The following TFDP2 variants were observed in gnomAD, a reference collection of about 807,000 sequenced individuals.
The protein encoded by TFDP2 is transcription factor Dp-2 (E2F dimerization partner 2).
In TFDP2, 17 loss-of-function variants were observed where a neutral mutation model predicts 59.3. The ratio of observed to expected loss-of-function variants is 0.29; its 90% CI spans 0.20 to 0.43. TFDP2 has a LOEUF of 0.43. Among genes scored for constraint, TFDP2 ranks in the 20% least tolerant of loss-of-function variants. The pLI, the probability that TFDP2 is intolerant of heterozygous loss-of-function variation, is 1.00. For missense variants in TFDP2, 391 were observed against 528.8 expected (o/e 0.74, Z 2.56); for synonymous variants, 180 against 194.7 (o/e 0.92, Z 0.63).
intron 2 of TFDP2, among the ~76,000 whole-genome samples, chr3:142,100,665 GC>G (rs2061292817): frequency 6.6e-6 from 1 of 152,092 alleles, no homozygotes; most frequent in Admixed American, 6.6e-5. Flanking sequence ...GAGCCACCAT[GC>G]CTGGCCTGCC....
chr3:142,002,321 T>TTTG (rs1943859831), intron 4 of TFDP2, among the ~76,000 whole-genome samples: 1 of 146,694 alleles, frequency 6.8e-6, no homozygotes, highest in Non-Finnish European at 1.5e-5. Flanking sequence ...TTTAGTGTTT[T>TTTG]TTTTTTTTTT....
intron 3 of TFDP2, among the ~76,000 whole-genome samples, chr3:142,088,737 G>C (rs2060895878): frequency 1.3e-5 from 2 of 150,926 alleles, no homozygotes; most frequent in South Asian, 4.2e-4. Flanking sequence ...CAGTCTCCCA[G>C]GGTGCTGGGA....
At chr3:142,140,064 T>A (rs1441287847) in intron 1 of TFDP2, among the ~76,000 whole-genome samples, 2 of 152,196 alleles carry the variant, frequency 1.3e-5, no homozygotes, top group African/African-American at 4.8e-5. Flanking sequence ...TTTGTTCATT[T>A]CTTTTTACTC....
At chr3:142,120,158 C>T (rs1281878917) in intron 1 of TFDP2, among the ~76,000 whole-genome samples, 1 of 151,580 alleles carries the variant, frequency 6.6e-6, no homozygotes, top group African/African-American at 2.4e-5. Flanking sequence ...GTCAGGAGAT[C>T]AAGACCATCC....
chr3:142,093,162 T>C (rs1279805554), intron 2 of TFDP2, 35 bp from the exon 3 acceptor site: 2 of 1,415,306 alleles, frequency 1.4e-6, no homozygotes, highest in African/African-American at 1.4e-5. Flanking sequence ...AAAAATAGAA[T>C]ATTAAGTAGT....
intron 9 of TFDP2, among the ~76,000 whole-genome samples, chr3:141,964,871 C>T (rs1351693135): frequency 6.6e-6 from 1 of 152,158 alleles, no homozygotes; most frequent in Non-Finnish European, 1.5e-5. Context: ...GTAACTGAGG[C>T]TCAGCACTAA....
intron 1 of TFDP2, among the ~76,000 whole-genome samples, chr3:142,113,383 C>T (rs993002250): frequency 2.6e-5 from 4 of 151,800 alleles, no homozygotes; most frequent in African/African-American, 7.3e-5. Flanking sequence ...CTCAGCCTCC[C>T]GAGTAGCTGG....
intron 1 of TFDP2, among the ~76,000 whole-genome samples, chr3:142,139,818 C>T (rs1313450826): frequency 6.6e-6 from 1 of 152,130 alleles, no homozygotes; most frequent in African/African-American, 2.4e-5. Context: ...TTCATTTCAA[C>T]GTTGGTGAAT....
At chr3:142,098,717 G>A (rs1305340782) in intron 2 of TFDP2, among the ~76,000 whole-genome samples, 1 of 152,064 alleles carries the variant, frequency 6.6e-6, no homozygotes, top group Admixed American at 6.5e-5. Flanking sequence ...ACCAGCCTGG[G>A]CAACATAGCC....
intron 3 of TFDP2, among the ~76,000 whole-genome samples, chr3:142,051,400 G>A (rs189491255): frequency 2.0e-5 from 3 of 152,228 alleles, no homozygotes; most frequent in Non-Finnish European, 4.4e-5. Context: ...TTGGCTGGGC[G>A]TGGTGGTGTG....
intron 3 of TFDP2, among the ~76,000 whole-genome samples, chr3:142,019,628 T>C (rs1037645708): frequency 7.5e-6 from 1 of 133,234 alleles, no homozygotes; most frequent in African/African-American, 2.9e-5. Flanking sequence ...TTAGAATGTA[T>C]ACTAAGATTA....
chr3:141,950,266 T>C lies in TFDP2; in HGVS notation c.*2247A>G, dbSNP rs1188371417. 1 of 152,184 alleles carries C rather than the reference T, an allele frequency of 6.6e-6. No homozygotes were observed. The highest frequency in any genetic ancestry group is 6.5e-5 in the Admixed American group (1 of 15,270). The allele number at this position is 152,184 out of a possible 1,614,324, so 9.4% of individuals were successfully genotyped here. On this transcript the variant is annotated 3_prime_UTR_variant, in exon 13 of 13. Coordinates refer to ENST00000489671, the MANE Select transcript of TFDP2 (RefSeq NM_001178139.2). ...AAGGCAAGATTTTACTCCAGCGACATGTACTGGTGACCATGATGTCACTCT... is the reference window on the plus strand; with the variant it reads ...AAGGCAAGATTTTACTCCAGCGACACGTACTGGTGACCATGATGTCACTCT...
chr3:141,952,417 C>G lies in TFDP2; in HGVS notation c.*96G>C, dbSNP rs139573138. Reference sequence around the variant, plus strand: ...GTTTTCACTGAACACACAGTGCAAACAAAGGCAAAGACTGAAGCAATCATT... The same window carrying G: ...GTTTTCACTGAACACACAGTGCAAAGAAAGGCAAAGACTGAAGCAATCATT... On this transcript the variant is annotated 3_prime_UTR_variant, in exon 13 of 13. Transcript: ENST00000489671. The G allele has an allele frequency of 3.9e-5, 49 of 1,263,506 alleles. No individual in the cohort carries two copies. In the African/African-American group the frequency reaches 4.5e-4, roughly 12 times the overall value. The allele number at this position is 1,263,506 out of a possible 1,614,324, so 78.3% of individuals were successfully genotyped here.
At chr3:142,049,018 T>C (rs1029137266) in intron 3 of TFDP2, among the ~76,000 whole-genome samples, 4 of 152,230 alleles carry the variant, frequency 2.6e-5, no homozygotes, top group Non-Finnish European at 5.9e-5. Flanking sequence ...GGGCTTCTTG[T>C]AGTTCCTGGC....
chr3:141,995,009 A>G lies in TFDP2; in HGVS notation c.308+11T>C. 6.5e-7 allele frequency: 1 copy of G among 1,550,294 alleles called. No homozygotes were observed. The highest frequency in any genetic ancestry group is 1.3e-5 in the South Asian group (1 of 77,292). On this transcript the variant is annotated intron_variant, in intron 5 of 12. Transcript: ENST00000489671. ...TAAGGTTTTAAAAATAGTAACTTGC[A>G]ACACTCTTACCCAGGGACCCAGCCA...
intron 1 of TFDP2, among the ~76,000 whole-genome samples, chr3:142,111,218 C>T (rs1056127976): frequency 2.0e-5 from 3 of 151,986 alleles, no homozygotes; most frequent in East Asian, 3.9e-4. Context: ...TACCTGAGGT[C>T]AGGAGTTCGA....
At chr3:142,129,190 A>G (rs2062396033) in intron 1 of TFDP2, among the ~76,000 whole-genome samples, 1 of 152,036 alleles carries the variant, frequency 6.6e-6, no homozygotes, top group Admixed American at 6.6e-5. Flanking sequence ...AAGAATGGAC[A>G]GGGGAGGCTG....
At chr3:142,102,966 C>T (rs1046861236) in intron 1 of TFDP2, among the ~76,000 whole-genome samples, 4 of 152,066 alleles carry the variant, frequency 2.6e-5, no homozygotes, top group Non-Finnish European at 1.5e-5. Flanking sequence ...CTGGGCGCAG[C>T]GGCTCACGCC....
rs566089913 is a variant in TFDP2, at chr3:142,039,044, G to A, written c.83-33500C>T. ...TACTGCGCAAATTATCCTCCAGAGA[G>A]GCTGTATTATTCTGAGTTCCCATAT... On this transcript the variant is annotated intron_variant, in intron 3 of 12. Coordinates refer to ENST00000489671, the MANE Select transcript of TFDP2 (RefSeq NM_001178139.2). 4.2e-4 allele frequency among the ~76,000 whole-genome samples: 64 copies of A among 152,226 alleles called. 1 individual carries two copies. Among genetic ancestry groups the A allele is most frequent in the Non-Finnish European group, 5.7e-4 (39 of 68,030 alleles).
Sources: allele counts gnomAD v4.1 joint callset (sites outside exome capture counted in the v4.1 genomes callset), GRCh38; gene constraint gnomAD v4.1.1; transcripts MANE v1.5; gene names NCBI Gene and HGNC (gene_info 2026-07-23, HGNC 2026-07-21).